MTERF4: variants seen among roughly 807,000 people sequenced by gnomAD.
MTERF4 encodes mitochondrial transcription termination factor 4.
Under a neutral mutation model 22.5 loss-of-function variants are expected in MTERF4, and 17 were observed. That is an observed-to-expected ratio of 0.75 (90% CI 0.52 to 1.13). The LOEUF (loss-of-function observed/expected upper bound fraction) is 1.13, where lower values mean the gene tolerates loss of function less well. Ranked by LOEUF, MTERF4 falls within the 50% of genes most tolerant of loss-of-function variation. The pLI is 0.00. For missense variants in MTERF4, 420 were observed against 466.8 expected, an observed-to-expected ratio of 0.90 and a Z score of 0.92; for synonymous variants, 165 against 175.3, an observed-to-expected ratio of 0.94 and a Z score of 0.47.
chr2:241,090,382 A>G (rs1247949113), downstream of MTERF4: 1 of 1,549,940 alleles, frequency 6.5e-7, no homozygotes, highest in Non-Finnish European at 8.7e-7. Flanking sequence ...TCTTCTGGAA[A>G]CCTCCTGAAG....
At chr2:241,065,017 G>A in the MTERF4 span, 2 of 1,301,690 alleles carry the variant, frequency 1.5e-6, no homozygotes, top group Non-Finnish European at 2.1e-6. Flanking sequence ...TCCCTAGAGG[G>A]CCCAACGGTC....
chr2:241,064,040 C>A, the MTERF4 span: 1 of 1,561,058 alleles, frequency 6.4e-7, no homozygotes, highest in Admixed American at 1.9e-5. This position sits in a 1 kb window ranked among gnomAD's most constrained non-coding sequence, Gnocchi z 7.0. Context: ...CCAGCCCCTG[C>A]CAGCATGGAG....
chr2:241,088,299 G>A (rs1314377648), downstream of MTERF4: 72 of 1,146,386 alleles, frequency 6.3e-5, no homozygotes, highest in Non-Finnish European at 9.3e-5. Context: ...CCTGGACTGA[G>A]GTAGCTGTAG....
rs1048194308 is a variant in MTERF4 at position 241,073,812 on chromosome 2, A to G, written n.2350T>C. 3.8e-6 allele frequency: 1 copy of G among 261,486 alleles called. No homozygotes were observed. Among genetic ancestry groups the G allele is most frequent in the Admixed American group, 4.9e-5 (1 of 20,220 alleles). The allele number at this position is 261,486 out of a possible 1,614,324, so 16.2% of individuals were successfully genotyped here. Reference sequence around the variant, plus strand: ...TGAGGACTAGCTGGGCCCTGTGGACACTCAGGTTATGCAGGACCTGAACTG... The same window carrying G: ...TGAGGACTAGCTGGGCCCTGTGGACGCTCAGGTTATGCAGGACCTGAACTG... On this transcript the variant is annotated non_coding_transcript_exon_variant, in exon 5 of 5. Transcript: ENST00000464344. This position sits in a 1 kb window ranked among gnomAD's most constrained non-coding sequence, Gnocchi z 6.6.
chr2:241,073,211 A>C lies in MTERF4; in HGVS notation n.2951T>G. The C allele has an allele frequency of 7.4e-7, 1 of 1,351,556 alleles. No homozygotes were observed. Among genetic ancestry groups the C allele is most frequent in the South Asian group, 1.3e-5 (1 of 79,550 alleles). 83.7% of individuals were successfully genotyped at this position (1,351,556 alleles called of 1,614,324 possible). A position where few individuals can be genotyped will look rare whatever the true frequency, so the allele number is the denominator to read the frequency against. ...AAGCACTCAAAAGGGTGGCCCCAGG[A>C]CCATCCCGGGTGCAAAGCAGCTGCG... is the stretch of plus-strand genomic sequence containing the variant. On this transcript the variant is annotated non_coding_transcript_exon_variant, in exon 5 of 5. Coordinates refer to the MTERF4 transcript ENST00000464344. The surrounding 1 kb of genome is among the most constrained non-coding windows in gnomAD (Gnocchi z 6.6).
At chr2:241,052,397 C>T in the MTERF4 span, 1 of 1,596,070 alleles carries the variant, frequency 6.3e-7, no homozygotes, top group Non-Finnish European at 8.5e-7. Flanking sequence ...AATGGGGGCA[C>T]CTGCGAGGAC....
chr2:241,100,340 T>A (rs1162872766), intron 1 of MTERF4, among the ~76,000 whole-genome samples: 1 of 152,202 alleles, frequency 6.6e-6, no homozygotes, highest in African/African-American at 2.4e-5. Context: ...ATATGTGGAT[T>A]TTCTTCCGCC....
At chr2:241,101,904 T>C (rs1002680943) in intron 1 of MTERF4, among the ~76,000 whole-genome samples, 2 of 151,958 alleles carry the variant, frequency 1.3e-5, no homozygotes, top group Admixed American at 6.6e-5. Flanking sequence ...AATACAAAAA[T>C]TAGCCAGGCA....
At chr2:241,086,353 C>A (rs928792371), downstream of MTERF4, among the ~76,000 whole-genome samples, 1 of 62,026 alleles carries the variant, frequency 1.6e-5, no homozygotes, top group Admixed American at 1.7e-4. Flanking sequence ...CTGCATAGTT[C>A]CCTCCTCTTC....
At chr2:241,089,405 AAAAC>A (rs780960472), downstream of MTERF4, 8 of 1,550,532 alleles carry the variant, frequency 5.2e-6, no homozygotes, top group South Asian at 6.0e-5. Flanking sequence ...GGAACCTTTA[AAAAC>A]AAACAGAAGC....
At chr2:241,098,079 G>C (rs2064536947) in intron 2 of MTERF4, among the ~76,000 whole-genome samples, 1 of 152,074 alleles carries the variant, frequency 6.6e-6, no homozygotes, top group South Asian at 2.1e-4. Flanking sequence ...GCCTTCCTAG[G>C]GATAGCTGAG....
chr2:241,073,023 C>G lies in MTERF4; in HGVS notation n.3139G>C, dbSNP rs2062811963. On this transcript the variant is annotated non_coding_transcript_exon_variant, in exon 5 of 5. Coordinates refer to the MTERF4 transcript ENST00000464344. The surrounding 1 kb of genome is among the most constrained non-coding windows in gnomAD (Gnocchi z 6.6). ...TGATCAGTGGTGGCTGTCCCTGAAG[C>G]AGCTCTGAGGGGGCCCTGCAAGGGG... 2.0e-6 allele frequency: 1 copy of G among 509,078 alleles called. No individual in the cohort carries two copies. The highest frequency in any genetic ancestry group is 3.5e-6 in the Non-Finnish European group (1 of 286,814). The allele number at this position is 509,078 out of a possible 1,614,324, so 31.5% of individuals were successfully genotyped here.
At position 241,096,480 on chromosome 2, in the gene MTERF4, A is replaced by G. The variant is rs371443037; in HGVS notation, c.706-42T>C. ...CACTTAGGAGTCCCAGATACAGAGT[A>G]TTGAAACCTATCATTCTATAAACCA... On this transcript the variant is annotated intron_variant, in intron 3 of 3. Transcript: ENST00000391980. This position sits in a 1 kb window ranked among gnomAD's most constrained non-coding sequence, Gnocchi z 5.1. 3.8e-6 allele frequency: 6 copies of G among 1,593,284 alleles called. No individual in the cohort carries two copies. The African/African-American group carries it at 8.1e-5, about 21-fold the overall frequency.
chr2:241,085,775 G>T (rs2063539221), downstream of MTERF4, among the ~76,000 whole-genome samples: 1 of 151,568 alleles, frequency 6.6e-6, no homozygotes, highest in South Asian at 2.1e-4. Flanking sequence ...TGATCCTTCT[G>T]AGGCTTGTTT....
At chr2:241,081,883 G>C in intron 4 of MTERF4, 1 of 1,001,736 alleles carries the variant, frequency 1.0e-6, no homozygotes, top group Non-Finnish European at 1.5e-6. Flanking sequence ...TTTGCCACGG[G>C]AGCCTCCAAA....
chr2:241,060,943 CA>C, the MTERF4 span, among the ~76,000 whole-genome samples: 5 of 151,206 alleles, frequency 3.3e-5, no homozygotes, highest in Non-Finnish European at 4.4e-5. Context: ...AAAAAACAAC[CA>C]AAAAAAACTA....
chr2:241,087,489 G>A, downstream of MTERF4: 1 of 1,592,270 alleles, frequency 6.3e-7, no homozygotes, highest in Non-Finnish European at 8.6e-7. Context: ...CCTCTGGGGA[G>A]CAGGCCCATG....
chr2:241,071,909 G>A (rs747352785), downstream of MTERF4: 72 of 1,551,898 alleles, frequency 4.6e-5, 2 homozygotes, highest in South Asian at 7.9e-4. Flanking sequence ...ACCCACCTTG[G>A]TGGCCCACCC....
chr2:241,056,430 G>A, the MTERF4 span, among the ~76,000 whole-genome samples: 7 of 150,866 alleles, frequency 4.6e-5, no homozygotes, highest in Non-Finnish European at 1.0e-4. Context: ...TGAATAAATT[G>A]GATAGGCTTA....
Sources: allele counts gnomAD v4.1 joint callset (sites outside exome capture counted in the v4.1 genomes callset), GRCh38; gene constraint gnomAD v4.1.1; non-coding constraint Gnocchi (gnomAD v3.1); transcripts MANE v1.5; gene names NCBI Gene and HGNC (gene_info 2026-07-23, HGNC 2026-07-21).